Variants in DGKI observed in about 807,000 individuals in gnomAD.
The protein encoded by DGKI is DAG kinase iota.
DGKI carries 55 observed loss-of-function variants against 147.5 expected under a neutral mutation model. The ratio of observed to expected loss-of-function variants is 0.37; its 90% confidence interval spans 0.30 to 0.47. The LOEUF is 0.47. Among genes scored for constraint, DGKI ranks in the 20% least tolerant of loss-of-function variants. The pLI is 1.00. For synonymous variants in DGKI, 469 were observed against 477.1 expected (o/e 0.98, Z 0.22); for missense variants, 1,007 against 1,323.8 (o/e 0.76, Z 3.71).
intron 1 of DGKI, among the ~76,000 whole-genome samples, chr7:137,816,635 G>C (rs896199085): frequency 6.6e-6 from 1 of 152,112 alleles, no homozygotes; most frequent in Non-Finnish European, 1.5e-5. Context: ...TAAAAGAGGA[G>C]AGACAGATAA....
intron 3 of DGKI, among the ~76,000 whole-genome samples, chr7:137,666,872 T>C (rs925560952): frequency 1.3e-5 from 2 of 152,208 alleles, no homozygotes; most frequent in Non-Finnish European, 1.5e-5. Flanking sequence ...ACTTCATATT[T>C]CATCATTCTT....
intron 1 of DGKI, among the ~76,000 whole-genome samples, chr7:137,706,231 G>A (rs1794018603): frequency 6.6e-6 from 1 of 151,606 alleles, no homozygotes; most frequent in East Asian, 1.9e-4. Flanking sequence ...CCCCTTACAG[G>A]GCCTTTTTAC....
At chr7:137,747,638 C>G (rs1005650552) in intron 1 of DGKI, among the ~76,000 whole-genome samples, 3 of 152,112 alleles carry the variant, frequency 2.0e-5, no homozygotes, top group African/African-American at 7.2e-5. Context: ...TTCAATAAAA[C>G]CCTTCATTCC....
At chr7:137,683,603 C>T (rs889738662) in intron 2 of DGKI, among the ~76,000 whole-genome samples, 1 of 152,174 alleles carries the variant, frequency 6.6e-6, no homozygotes, top group Admixed American at 6.5e-5. Context: ...TTTGTTCATT[C>T]TACTGTCCCT....
chr7:137,523,698 G>A (rs1174006149), intron 20 of DGKI, among the ~76,000 whole-genome samples: 3 of 152,112 alleles, frequency 2.0e-5, no homozygotes, highest in Admixed American at 6.6e-5. Context: ...TTACCATAGT[G>A]CTGGACATCA....
intron 1 of DGKI, among the ~76,000 whole-genome samples, chr7:137,779,225 T>C (rs1274471059): frequency 6.6e-6 from 1 of 151,794 alleles, no homozygotes; most frequent in Non-Finnish European, 1.5e-5. Context: ...ACCAAAGAAA[T>C]TCAATAAAGC....
rs554534479 is a variant in DGKI, at chr7:137,601,275, A to C, written c.1168-1370T>G. Among the ~76,000 whole-genome samples, 11 of 152,254 alleles carry C rather than the reference A, an allele frequency of 7.2e-5. No homozygotes were observed. In the South Asian group the frequency reaches 2.1e-3, roughly 29 times the overall value. On this transcript the variant is annotated intron_variant, in intron 10 of 32. Coordinates refer to ENST00000614521, the MANE Select transcript of DGKI (RefSeq NM_001321708.2). ...GAAAGAGCGAGACTCTGTCTCAAAA[A>C]AAAAAAAGAAAAAGAAATGCAAGAA...
chr7:137,737,337 G>A (rs1795053422), intron 1 of DGKI, among the ~76,000 whole-genome samples: 1 of 151,790 alleles, frequency 6.6e-6, no homozygotes, highest in Non-Finnish European at 1.5e-5. Context: ...AAGTTTCCCT[G>A]GAATACAAAG....
At chr7:137,642,210 A>C (rs1291464278) in intron 6 of DGKI, among the ~76,000 whole-genome samples, 2 of 152,234 alleles carry the variant, frequency 1.3e-5, no homozygotes, top group Admixed American at 6.5e-5. Context: ...TGCATCAAAC[A>C]ATCCCTTGTG....
intron 1 of DGKI, among the ~76,000 whole-genome samples, chr7:137,755,595 T>C (rs535648416): frequency 6.6e-6 from 1 of 152,112 alleles, no homozygotes; most frequent in Non-Finnish European, 1.5e-5. Context: ...ACAGTCCTCA[T>C]CTGAAAAATC....
chr7:137,711,684 C>CTTTTTTT (rs71177918), intron 1 of DGKI, among the ~76,000 whole-genome samples: 4 of 79,738 alleles, frequency 5.0e-5, no homozygotes, highest in African/African-American at 2.1e-4. Flanking sequence ...GGGATACCAA[C>CTTTTTTT]TTTTTTTTTT....
chr7:137,833,837 A>T (rs2117079904), intron 1 of DGKI, among the ~76,000 whole-genome samples: 1 of 152,334 alleles, frequency 6.6e-6, no homozygotes, highest in South Asian at 2.1e-4. Flanking sequence ...ACCTTGATGT[A>T]CAGCCCCTCA....
intron 27 of DGKI, among the ~76,000 whole-genome samples, chr7:137,461,834 A>G (rs191057527): frequency 2.2e-4 from 33 of 152,340 alleles, no homozygotes; most frequent in Admixed American, 1.7e-3. Context: ...ATAGCTGTAA[A>G]TTGAAGATCA....
chr7:137,729,705 T>C (rs1031320087), intron 1 of DGKI, among the ~76,000 whole-genome samples: 5 of 152,092 alleles, frequency 3.3e-5, no homozygotes, highest in Admixed American at 3.3e-4. Context: ...AACCTTCTAA[T>C]GGCCAAAAAC....
chr7:137,476,332 T>A (rs1440175615), intron 23 of DGKI, among the ~76,000 whole-genome samples: 1 of 152,230 alleles, frequency 6.6e-6, no homozygotes, highest in African/African-American at 2.4e-5. Context: ...TTTTTTTTCT[T>A]TTTACGGTGT....
intron 1 of DGKI, among the ~76,000 whole-genome samples, chr7:137,763,240 A>C (rs1366550577): frequency 1.3e-5 from 2 of 152,224 alleles, no homozygotes; most frequent in Non-Finnish European, 2.9e-5. Context: ...GAGGCCATTC[A>C]AACAAGAATG....
chr7:137,630,347 T>C (rs1821086101), intron 6 of DGKI, among the ~76,000 whole-genome samples: 1 of 152,212 alleles, frequency 6.6e-6, no homozygotes, highest in South Asian at 2.1e-4. Flanking sequence ...AATATATTAT[T>C]AATCAAAGCC....
At chr7:137,699,045 C>G (rs1823888515) in intron 1 of DGKI, among the ~76,000 whole-genome samples, 1 of 152,200 alleles carries the variant, frequency 6.6e-6, no homozygotes, top group South Asian at 2.1e-4. Flanking sequence ...ACATTTATTT[C>G]TCACAGTTCT....
At chr7:137,754,720 T>C (rs996907609) in intron 1 of DGKI, among the ~76,000 whole-genome samples, 2 of 152,178 alleles carry the variant, frequency 1.3e-5, no homozygotes, top group African/African-American at 4.8e-5. Flanking sequence ...ATGACCAGCA[T>C]TTGCCAACTT....
Sources: gnomAD v4.1 joint callset for allele counts (sites outside exome capture counted in the v4.1 genomes callset) on GRCh38, gnomAD v4.1.1 for gene constraint, MANE v1.5 for transcripts, NCBI Gene and HGNC (gene_info 2026-07-23, HGNC 2026-07-21) for gene names.